The following NTRK3 variants were observed in gnomAD, a reference collection of about 807,000 sequenced individuals.
The protein encoded by NTRK3 is NT-3 growth factor receptor.
Under a neutral mutation model 91.7 loss-of-function variants are expected in NTRK3, and 24 were observed. The observed-to-expected ratio is 0.26, with a 90% CI of 0.19 to 0.37. NTRK3 has a LOEUF of 0.37. NTRK3 is among the 10% of genes least tolerant of loss of function. The pLI is 1.00. For synonymous variants in NTRK3, 483 were observed against 404.0 expected, an observed-to-expected ratio of 1.20 and a Z score of -2.34; for missense variants, 880 against 1,068.9, an observed-to-expected ratio of 0.82 and a Z score of 2.46.
rs1596870522 is a variant in NTRK3, at chr15:88,036,337, T to C, written c.1397-3292A>G. On this transcript the variant is annotated intron_variant, in intron 13 of 18. Transcript: ENST00000394480. ...AATCAGAAAGACAATGGAATCATTCTCTATAACAATACCACTATTGTTATT... is the reference window on the plus strand; with the variant it reads ...AATCAGAAAGACAATGGAATCATTCCCTATAACAATACCACTATTGTTATT... 3.9e-5 allele frequency among the ~76,000 whole-genome samples: 6 copies of C among 152,194 alleles called. No individual in the cohort carries two copies. In the South Asian group the frequency reaches 1.2e-3, roughly 32 times the overall value.
chr15:87,877,230 G>A lies in NTRK3; in HGVS notation c.2293-110C>T, dbSNP rs78975701. ...CCCGGATTAGTTTCTATGCAGAGCC[G>A]AGGCTCTCACAAGCACAAGCTAAAG... On this transcript the variant is annotated intron_variant, in intron 18 of 18. Coordinates refer to ENST00000394480, the Ensembl canonical transcript of NTRK3. 4.1e-3 allele frequency: 4,688 copies of A among 1,138,488 alleles called. 76 individuals are homozygous for A. Among genetic ancestry groups the A allele is most frequent in the East Asian group, 0.026 (1,025 of 39,184 alleles). 70.5% of individuals were successfully genotyped at this position (1,138,488 alleles called of 1,614,324 possible). A position where few individuals can be genotyped will look rare whatever the true frequency, so the allele number is the denominator to read the frequency against.
chr15:88,038,785 A>G (rs2079310599), intron 13 of NTRK3, among the ~76,000 whole-genome samples: 1 of 152,092 alleles, frequency 6.6e-6, no homozygotes, highest in Non-Finnish European at 1.5e-5. Flanking sequence ...ATTTCCAAAC[A>G]TCCCCTGTGG....
At chr15:87,919,936 G>A (rs890022517) in intron 17 of NTRK3, among the ~76,000 whole-genome samples, 2 of 152,152 alleles carry the variant, frequency 1.3e-5, no homozygotes, top group African/African-American at 4.8e-5. Context: ...CTTTGGCCAT[G>A]TCCCCCTCCT....
chr15:87,946,867 G>C (rs8033918), intron 14 of NTRK3, among the ~76,000 whole-genome samples: 1 of 143,688 alleles, frequency 7.0e-6, no homozygotes, highest in Non-Finnish European at 1.5e-5. Context: ...TCTGTCTTTC[G>C]TGGGTTCTTT....
At chr15:88,039,411 C>T (rs76723469) in intron 13 of NTRK3, among the ~76,000 whole-genome samples, 4,161 of 152,158 alleles carry the variant, frequency 0.027, 212 homozygotes, top group African/African-American at 0.095. Flanking sequence ...TTCAGATCCA[C>T]GGTGGATTTT....
intron 3 of NTRK3, among the ~76,000 whole-genome samples, chr15:88,202,168 G>A (rs752974475): frequency 5.3e-5 from 8 of 152,156 alleles, no homozygotes; most frequent in Non-Finnish European, 1.0e-4. Context: ...CCTGGTCTTC[G>A]TTTCTTGCCT....
intron 3 of NTRK3, among the ~76,000 whole-genome samples, chr15:88,244,451 T>C (rs1194229071): frequency 6.6e-6 from 1 of 152,152 alleles, no homozygotes; most frequent in Non-Finnish European, 1.5e-5. Context: ...AGATGCCAAA[T>C]TCCATGACCT....
intron 13 of NTRK3, among the ~76,000 whole-genome samples, chr15:88,045,453 G>A (rs1375576230): frequency 1.3e-5 from 2 of 152,104 alleles, no homozygotes; most frequent in Non-Finnish European, 2.9e-5. Flanking sequence ...GAATTTCACT[G>A]CGTCCCTATT....
At chr15:88,001,908 G>A (rs1468038084) in intron 14 of NTRK3, among the ~76,000 whole-genome samples, 1 of 152,124 alleles carries the variant, frequency 6.6e-6, no homozygotes, top group African/African-American at 2.4e-5. Context: ...GGTTAAATCT[G>A]CAGGTCAATT....
chr15:88,153,357 C>A (rs975200379), intron 5 of NTRK3, among the ~76,000 whole-genome samples: 6 of 152,136 alleles, frequency 3.9e-5, no homozygotes, highest in Non-Finnish European at 8.8e-5. Context: ...ATTCTTCTGC[C>A]TACGCCTCCC....
chr15:88,229,632 A>C (rs1365110471), intron 3 of NTRK3, among the ~76,000 whole-genome samples: 1 of 152,218 alleles, frequency 6.6e-6, no homozygotes, highest in African/African-American at 2.4e-5. Flanking sequence ...TGGATGCAAC[A>C]GGCAATGTCC....
In NTRK3 at chr15:87,919,720, AAAG is replaced by A. The variant is rs1344618997; in HGVS notation, c.2133+9468_2133+9470del. Among the ~76,000 whole-genome samples the A allele has an allele frequency of 2.6e-5, 4 of 152,190 alleles. No homozygotes were observed. In the East Asian group the frequency reaches 5.8e-4, roughly 22 times the overall value. On this transcript the variant is annotated intron_variant, in intron 17 of 18. Coordinates refer to ENST00000394480, the Ensembl canonical transcript of NTRK3. ...CTTGGACAATTATCCTCAATATCTC[AAAG>A]AAGAAGAAGAGGGTGGAGCAGAAAT...
At chr15:87,878,463 A>G (rs1019603202) in intron 18 of NTRK3, among the ~76,000 whole-genome samples, 3 of 152,166 alleles carry the variant, frequency 2.0e-5, no homozygotes, top group Non-Finnish European at 4.4e-5. Context: ...TACCAGCCTG[A>G]TAAGTCTCCA....
chr15:87,883,353 T>C (rs945487608), intron 17 of NTRK3, among the ~76,000 whole-genome samples: 1 of 148,054 alleles, frequency 6.8e-6, no homozygotes, highest in African/African-American at 2.4e-5. Context: ...CAACAATATA[T>C]AAAAATTTAT....
chr15:87,924,920 T>C lies in NTRK3; in HGVS notation c.2133+4271A>G, dbSNP rs377220370. ...ATTCCCCCCTCATTCCATTCCTCCCTGATCTCAGTGTATTGACTCCTCTCC... is the reference window on the plus strand; with the variant it reads ...ATTCCCCCCTCATTCCATTCCTCCCCGATCTCAGTGTATTGACTCCTCTCC... On this transcript the variant is annotated intron_variant, in intron 17 of 18. Transcript: ENST00000394480. 3.3e-5 allele frequency among the ~76,000 whole-genome samples: 5 copies of C among 152,314 alleles called. No homozygotes were observed. In the East Asian group the frequency reaches 7.7e-4, roughly 24 times the overall value.
At chr15:88,076,813 C>A (rs1040699710) in intron 13 of NTRK3, among the ~76,000 whole-genome samples, 3 of 152,102 alleles carry the variant, frequency 2.0e-5, no homozygotes, top group Admixed American at 2.0e-4. Context: ...ACTTTTGAGG[C>A]TGGGTGCAGT....
intron 3 of NTRK3, among the ~76,000 whole-genome samples, chr15:88,222,000 G>A (rs1026664877): frequency 2.0e-5 from 3 of 152,194 alleles, no homozygotes; most frequent in Non-Finnish European, 2.9e-5. Context: ...TCTTGGCCAC[G>A]TACCTGTCAT....
chr15:88,157,695 C>T (rs757502212), intron 5 of NTRK3, among the ~76,000 whole-genome samples: 5 of 152,044 alleles, frequency 3.3e-5, no homozygotes, highest in African/African-American at 1.2e-4. Context: ...ACACGAGGGA[C>T]GCCGAGACTG....
intron 3 of NTRK3, among the ~76,000 whole-genome samples, chr15:88,207,279 C>G (rs2048876581): frequency 6.6e-6 from 1 of 152,142 alleles, no homozygotes; most frequent in Admixed American, 6.5e-5. Flanking sequence ...GGATAGTTGT[C>G]CCATGAGCTG....
Sources: gnomAD v4.1 joint callset for allele counts (sites outside exome capture counted in the v4.1 genomes callset) on GRCh38, gnomAD v4.1.1 for gene constraint, MANE v1.5 for transcripts, NCBI Gene and HGNC (gene_info 2026-07-23, HGNC 2026-07-21) for gene names.